The following DDX18 variants were observed in gnomAD, a reference collection of about 807,000 sequenced individuals.
The protein encoded by DDX18 is ATP-dependent RNA helicase DDX18.
A neutral mutation model predicts 73.5 loss-of-function variants in DDX18; 23 were observed. The observed-to-expected ratio is 0.31, with a 90% CI of 0.23 to 0.44. The LOEUF is 0.44. DDX18 is among the 20% of genes least tolerant of loss of function. The pLI, the probability that DDX18 is intolerant of heterozygous loss-of-function variation, is 1.00. For synonymous variants in DDX18, 268 were observed against 282.7 expected (o/e 0.95, Z 0.52); for missense variants, 753 against 792.9 (o/e 0.95, Z 0.60).
intron 3 of DDX18, 47 bp downstream of exon 3, chr2:117,819,839 T>C (rs772046319): frequency 8.6e-6 from 13 of 1,517,624 alleles, no homozygotes; most frequent in Non-Finnish European, 1.1e-5. Context: ...AAAATGTGCC[T>C]CTCTTAGAGG....
intron 1 of DDX18, among the ~76,000 whole-genome samples, chr2:117,815,956 C>T (rs1451784234): frequency 6.6e-6 from 1 of 152,170 alleles, no homozygotes; most frequent in East Asian, 1.9e-4. Flanking sequence ...CGTAAGCTGT[C>T]ATCCTGTACA....
Position 117,824,565 on chromosome 2 carries a change from T to G in DDX18, c.1067-4T>G. Reference sequence around the variant, plus strand: ...GGGGTTATTTTTATATGTATCTGTTTCAGCACGTAGACAGACTATGCTCTT... The same window carrying G: ...GGGGTTATTTTTATATGTATCTGTTGCAGCACGTAGACAGACTATGCTCTT... On this transcript the variant is annotated splice_polypyrimidine_tract_variant and splice_region_variant and intron_variant, in intron 7 of 13. Coordinates refer to ENST00000263239, the MANE Select transcript of DDX18 (RefSeq NM_006773.4). The G allele has an allele frequency of 7.1e-7, 1 of 1,399,074 alleles. No homozygotes were observed. Among genetic ancestry groups the G allele is most frequent in the Non-Finnish European group, 9.3e-7 (1 of 1,070,964 alleles). 86.7% of individuals were successfully genotyped at this position (1,399,074 alleles called of 1,614,324 possible).
intron 1 of DDX18, 73 bp from the exon 2 acceptor site, chr2:117,817,371 C>T: frequency 1.4e-6 from 2 of 1,390,402 alleles, no homozygotes; most frequent in Non-Finnish European, 9.7e-7. Flanking sequence ...TGGAAGTTCT[C>T]ATTTGGGATT....
chr2:117,825,395 G>T (rs1679909123), intron 9 of DDX18, 52 bp from the exon 10 acceptor site: 1 of 1,584,672 alleles, frequency 6.3e-7, no homozygotes, highest in African/African-American at 1.3e-5. Flanking sequence ...GGGTTCTACT[G>T]CTAGTCTTCC....
intron 11 of DDX18, chr2:117,827,658 G>A (rs566296254): frequency 2.0e-5 from 3 of 152,254 alleles, no homozygotes; most frequent in African/African-American, 7.2e-5. Flanking sequence ...CCCTACAAAG[G>A]ACATGAACTC....
chr2:117,819,938 C>A, intron 3 of DDX18, 146 bp downstream of exon 3: 2 of 724,416 alleles, frequency 2.8e-6, no homozygotes, highest in Non-Finnish European at 4.0e-6. Flanking sequence ...CTTTCTGCTG[C>A]TTTTTCTCTT....
At chr2:117,822,984 G>T (rs1037728186) in intron 7 of DDX18, among the ~76,000 whole-genome samples, 2 of 152,152 alleles carry the variant, frequency 1.3e-5, no homozygotes, top group African/African-American at 4.8e-5. Context: ...GTCCTAGTTG[G>T]TATATGTTTA....
At chr2:117,825,263 G>A (rs1413330982) in intron 9 of DDX18, among the ~76,000 whole-genome samples, 162 bp downstream of exon 9, 1 of 152,112 alleles carries the variant, frequency 6.6e-6, no homozygotes, top group East Asian at 1.9e-4. Context: ...GGTGTGGAGG[G>A]GTATGAGGAC....
In DDX18 at chr2:117,817,509, A is replaced by T; in HGVS notation, c.151A>T (p.Arg51Ter). Reference sequence around the variant, plus strand: ...TGTATCTGAAGAAACAATGGGAAGTAGAAAGGTTAAAAAATCAAAACAAAA... The same window carrying T: ...TGTATCTGAAGAAACAATGGGAAGTTGAAAGGTTAAAAAATCAAAACAAAA... ...GDVSEETMGS[R>*]KVKKSKQKPM... The change falls in exon 2 of 14, where the codon AGA becomes TGA. Residue 51 changes from arginine (R) to a stop codon, truncating the protein, a stop_gained. Coordinates refer to ENST00000263239, the MANE Select transcript of DDX18 (RefSeq NM_006773.4). LOFTEE classifies it high-confidence loss of function. 6.2e-7 allele frequency: 1 copy of T among 1,613,692 alleles called. No individual in the cohort carries two copies. Among genetic ancestry groups the T allele is most frequent in the Non-Finnish European group, 8.5e-7 (1 of 1,179,904 alleles).
chr2:117,829,575 G>T lies in DDX18; in HGVS notation c.1870+109G>T, dbSNP rs1042755221. On this transcript the variant is annotated intron_variant, in intron 13 of 13. Transcript: ENST00000263239. ...GTATGTGTTCTGGCTCAGACTGGAGGCTCCAGTGTTCACCCTGGTCGATGT... is the reference window on the plus strand; with the variant it reads ...GTATGTGTTCTGGCTCAGACTGGAGTCTCCAGTGTTCACCCTGGTCGATGT... The T allele has an allele frequency of 3.3e-5, 35 of 1,048,934 alleles. No homozygotes were observed. The Admixed American group carries it at 7.5e-4, about 22-fold the overall frequency. 65.0% of individuals were successfully genotyped at this position (1,048,934 alleles called of 1,614,324 possible).
chr2:117,825,962 G>A (rs966367266), intron 10 of DDX18: 4 of 374,310 alleles, frequency 1.1e-5, no homozygotes, highest in Non-Finnish European at 1.4e-5. Flanking sequence ...CTGGATTAAA[G>A]CCGTTTTGAT....
intron 1 of DDX18, chr2:117,815,724 G>T (rs576764850): frequency 6.6e-6 from 1 of 152,320 alleles, no homozygotes; most frequent in South Asian, 2.1e-4. Flanking sequence ...CAGCGCATAT[G>T]TAAGTAAATT....
chr2:117,817,201 G>A (rs1432948492), intron 1 of DDX18, among the ~76,000 whole-genome samples: 2 of 152,172 alleles, frequency 1.3e-5, no homozygotes, highest in Non-Finnish European at 2.9e-5. Flanking sequence ...AAAGTCAGAT[G>A]TACGGTCTTT....
intron 2 of DDX18, 107 bp from the exon 3 acceptor site, chr2:117,819,542 C>A: frequency 9.0e-7 from 1 of 1,108,110 alleles, no homozygotes; most frequent in Non-Finnish European, 1.2e-6. Context: ...ATATACTTAG[C>A]TTTTGAAAAT....
At chr2:117,829,194 A>G in intron 12 of DDX18, 95 bp from the exon 13 acceptor site, 1 of 1,356,660 alleles carries the variant, frequency 7.4e-7, no homozygotes. Flanking sequence ...AATGTTTTCC[A>G]TGGAGTGGCT....
chr2:117,820,924 TCTA>T (rs1462349892), intron 3 of DDX18, among the ~76,000 whole-genome samples: 2 of 152,208 alleles, frequency 1.3e-5, no homozygotes, highest in Non-Finnish European at 2.9e-5. Flanking sequence ...ATACCTCCTC[TCTA>T]CCCCTTGTTT....
In DDX18 at chr2:117,824,987, A is replaced by C; in HGVS notation, c.1254A>C (p.Thr418=). The change falls in exon 9 of 14, where the codon ACA becomes ACC. Residue 418 remains threonine (T), a synonymous_variant. Coordinates refer to ENST00000263239, the MANE Select transcript of DDX18 (RefSeq NM_006773.4). ...AAAAGAGATTCCTTCTGCTCTTTAC[A>C]TTCCTTAAGAAGAACCGAAAGAAGA... ...PSEKRFLLLF[T]FLKKNRKKKL... 1 of 1,613,796 alleles carries C rather than the reference A, an allele frequency of 6.2e-7. No homozygotes were observed. The highest frequency in any genetic ancestry group is 8.5e-7 in the Non-Finnish European group (1 of 1,179,906).
chr2:117,816,112 A>T (rs1178136167), intron 1 of DDX18, among the ~76,000 whole-genome samples: 2 of 152,234 alleles, frequency 1.3e-5, no homozygotes, highest in African/African-American at 4.8e-5. Flanking sequence ...AGTACTTACC[A>T]TGAATGGAGT....
chr2:117,827,672 C>T (rs893131931), intron 11 of DDX18: 1 of 152,108 alleles, frequency 6.6e-6, no homozygotes, highest in Non-Finnish European at 1.5e-5. Context: ...TGAACTCATC[C>T]TTTTTTATGG....
Sources: allele counts gnomAD v4.1 joint callset (sites outside exome capture counted in the v4.1 genomes callset), GRCh38; gene constraint gnomAD v4.1.1; transcripts MANE v1.5; gene names NCBI Gene and HGNC (gene_info 2026-07-23, HGNC 2026-07-21).